Variants in IRAK1BP1 observed in about 807,000 individuals in gnomAD.
IRAK1BP1 encodes interleukin 1 receptor associated kinase 1 binding protein 1, also known as interleukin-1 receptor-associated kinase 1-binding protein 1.
A neutral mutation model predicts 28.0 loss-of-function variants in IRAK1BP1; 24 were observed. That is an observed-to-expected ratio of 0.86 (90% CI 0.62 to 1.20). The LOEUF is 1.20. IRAK1BP1 is among the 50% of genes most tolerant of loss of function. IRAK1BP1 has a pLI of 0.00. For missense variants in IRAK1BP1, 336 were observed against 316.7 expected (o/e 1.06, Z -0.46); for synonymous variants, 131 against 116.3 (o/e 1.13, Z -0.81).
At chr6:78,960,556 C>A in the IRAK1BP1 span, among the ~76,000 whole-genome samples, 2 of 151,428 alleles carry the variant, frequency 1.3e-5, no homozygotes. Flanking sequence ...GGGAGGACTT[C>A]TCCTTATCTC....
intron 4 of IRAK1BP1, among the ~76,000 whole-genome samples, chr6:78,923,020 G>C (rs1378319336): frequency 6.6e-6 from 1 of 152,032 alleles, no homozygotes; most frequent in African/African-American, 2.4e-5. Context: ...ATCAACTAAC[G>C]AGCAAAATAA....
intron 2 of IRAK1BP1, among the ~76,000 whole-genome samples, chr6:78,892,706 G>A (rs1489523294): frequency 6.6e-6 from 1 of 152,060 alleles, no homozygotes; most frequent in African/African-American, 2.4e-5. Flanking sequence ...CAAAAGTTAA[G>A]GAGGGATGTG....
chr6:78,916,850 G>A (rs530663835), intron 4 of IRAK1BP1, among the ~76,000 whole-genome samples: 35 of 152,040 alleles, frequency 2.3e-4, no homozygotes, highest in African/African-American at 5.3e-4. Flanking sequence ...AGGCTGAGGC[G>A]GGAGAATTGC....
At chr6:78,894,792 A>G (rs1262606640) in intron 2 of IRAK1BP1, among the ~76,000 whole-genome samples, 1 of 152,138 alleles carries the variant, frequency 6.6e-6, no homozygotes, top group Non-Finnish European at 1.5e-5. Flanking sequence ...ACATTTGCCA[A>G]GGTAGACCAT....
At chr6:78,921,667 C>T (rs1213958845) in intron 4 of IRAK1BP1, among the ~76,000 whole-genome samples, 1 of 152,214 alleles carries the variant, frequency 6.6e-6, no homozygotes. Flanking sequence ...AACTGGGAGG[C>T]ATCCCCCAGT....
At chr6:78,927,858 G>A (rs1397285769) in intron 4 of IRAK1BP1, among the ~76,000 whole-genome samples, 2 of 151,942 alleles carry the variant, frequency 1.3e-5, no homozygotes, top group Admixed American at 6.6e-5. Flanking sequence ...GTGTGGATTT[G>A]TTTCTGGGTT....
intron 4 of IRAK1BP1, among the ~76,000 whole-genome samples, chr6:78,925,894 G>T (rs1318171499): frequency 6.6e-6 from 1 of 152,054 alleles, no homozygotes; most frequent in East Asian, 1.9e-4. Flanking sequence ...TTGCAGCAAC[G>T]TGGATGTACC....
chr6:78,910,495 C>G (rs1039917263), intron 4 of IRAK1BP1, among the ~76,000 whole-genome samples: 3 of 152,208 alleles, frequency 2.0e-5, no homozygotes, highest in African/African-American at 7.2e-5. Context: ...AAACTGATTT[C>G]CCATAGAAAC....
At chr6:78,944,395 C>T (rs961001067) in intron 4 of IRAK1BP1, among the ~76,000 whole-genome samples, 14 of 151,992 alleles carry the variant, frequency 9.2e-5, no homozygotes, top group Non-Finnish European at 1.3e-4. Context: ...GAGAGAGGGA[C>T]TGGTTAAGAA....
At chr6:78,881,028 G>A (rs778140839) in intron 1 of IRAK1BP1, among the ~76,000 whole-genome samples, 9 of 152,206 alleles carry the variant, frequency 5.9e-5, no homozygotes, top group Middle Eastern at 3.4e-3. Flanking sequence ...ATAATTTGCC[G>A]AAGTGAATTG....
At chr6:78,941,577 T>C (rs1408380487) in intron 4 of IRAK1BP1, among the ~76,000 whole-genome samples, 3 of 152,190 alleles carry the variant, frequency 2.0e-5, no homozygotes, top group South Asian at 2.1e-4. Context: ...AAGTGACTTA[T>C]CTAAGTTAAC....
intron 4 of IRAK1BP1, among the ~76,000 whole-genome samples, chr6:78,924,391 G>C (rs9343851): frequency 0.9 from 137,570 of 152,162 alleles, 62,223 homozygotes; most frequent in African/African-American, 0.93. Flanking sequence ...CCTGAATAGA[G>C]CAATAACAGG....
At chr6:78,896,219 A>C (rs1259908370) in intron 2 of IRAK1BP1, among the ~76,000 whole-genome samples, 2 of 152,130 alleles carry the variant, frequency 1.3e-5, no homozygotes, top group Non-Finnish European at 2.9e-5. Flanking sequence ...AAAAAATAGA[A>C]ACTGACAAAA....
chr6:78,972,588 G>C, the IRAK1BP1 span, among the ~76,000 whole-genome samples: 1 of 152,116 alleles, frequency 6.6e-6, no homozygotes, highest in African/African-American at 2.4e-5. Flanking sequence ...CTGAGCTACA[G>C]GAGGACATTC....
At chr6:78,929,811 T>G (rs556101966) in intron 4 of IRAK1BP1, among the ~76,000 whole-genome samples, 1 of 152,326 alleles carries the variant, frequency 6.6e-6, no homozygotes, top group African/African-American at 2.4e-5. Context: ...TAGTCTGGAG[T>G]ACCTAAACTT....
chr6:78,959,506 T>C, the IRAK1BP1 span, among the ~76,000 whole-genome samples: 1 of 152,092 alleles, frequency 6.6e-6, no homozygotes. Flanking sequence ...TAACAAGAGA[T>C]TGAACTAGAA....
the IRAK1BP1 span, among the ~76,000 whole-genome samples, chr6:78,963,918 A>C: frequency 6.6e-6 from 1 of 152,336 alleles, no homozygotes; most frequent in African/African-American, 2.4e-5. Flanking sequence ...AACTACGATT[A>C]AACTCTATAG....
intron 2 of IRAK1BP1, among the ~76,000 whole-genome samples, chr6:78,892,016 A>G (rs1252809998): frequency 6.6e-6 from 1 of 152,226 alleles, no homozygotes; most frequent in African/African-American, 2.4e-5. Context: ...CATCTGATCA[A>G]TAGAGAATCT....
intron 4 of IRAK1BP1, among the ~76,000 whole-genome samples, chr6:78,933,346 G>A (rs538311676): frequency 2.3e-3 from 346 of 152,272 alleles, no homozygotes; most frequent in African/African-American, 8.0e-3. Flanking sequence ...GGCCGGACGC[G>A]ATGGCTCACG....
Sources: gnomAD v4.1 joint callset for allele counts (sites outside exome capture counted in the v4.1 genomes callset) on GRCh38, gnomAD v4.1.1 for gene constraint, MANE v1.5 for transcripts, NCBI Gene and HGNC (gene_info 2026-07-23, HGNC 2026-07-21) for gene names.